GPHN: variants seen among roughly 807,000 people sequenced by gnomAD.
The protein encoded by GPHN is gephyrin.
In GPHN, 17 loss-of-function variants were observed where a neutral mutation model predicts 95.5. The observed-to-expected ratio is 0.18, with a 90% CI of 0.12 to 0.27. GPHN has a LOEUF of 0.27. GPHN is among the 10% of genes least tolerant of loss of function. GPHN has a pLI of 1.00. For synonymous variants in GPHN, 320 were observed against 322.5 expected (o/e 0.99, Z 0.08); for missense variants, 660 against 978.1 (o/e 0.67, Z 4.34).
the GPHN span, among the ~76,000 whole-genome samples, chr14:67,656,839 TG>T: frequency 6.6e-6 from 1 of 152,142 alleles, no homozygotes; most frequent in Admixed American, 6.5e-5. Context: ...CAAGGAAAGA[TG>T]GATTAAAAAT....
the GPHN span, among the ~76,000 whole-genome samples, chr14:67,477,065 C>T: frequency 6.6e-6 from 1 of 151,918 alleles, no homozygotes; most frequent in African/African-American, 2.4e-5. Context: ...ACTTAGGAGG[C>T]TGAGACAGGA....
At chr14:67,366,355 A>C in the GPHN span, among the ~76,000 whole-genome samples, 1 of 152,216 alleles carries the variant, frequency 6.6e-6, no homozygotes. Flanking sequence ...TACAGGTGTG[A>C]GCCACTGTGC....
intron 2 of GPHN, among the ~76,000 whole-genome samples, chr14:66,736,403 T>TC (rs1491178535): frequency 2.6e-5 from 2 of 75,836 alleles, no homozygotes; most frequent in East Asian, 6.8e-4. Context: ...TTTTTTTTTC[T>TC]TTTTTTTTTT....
chr14:67,593,820 C>T, the GPHN span: 11 of 1,613,608 alleles, frequency 6.8e-6, no homozygotes, highest in Non-Finnish European at 8.5e-6. Flanking sequence ...TTGCCTGAAG[C>T]ATAAGATGAA....
chr14:67,199,683 A>G, the GPHN span: 1 of 1,584,500 alleles, frequency 6.3e-7, no homozygotes, highest in African/African-American at 1.3e-5. Context: ...GACCGCCCTC[A>G]TCAGCTGTTT....
chr14:67,002,788 T>C (rs980279682), intron 9 of GPHN, among the ~76,000 whole-genome samples: 9 of 151,620 alleles, frequency 5.9e-5, no homozygotes, highest in Non-Finnish European at 1.5e-5. Flanking sequence ...TATATTATTA[T>C]CAGTATTTAT....
chr14:66,943,150 A>G (rs2067527528), intron 8 of GPHN, among the ~76,000 whole-genome samples: 1 of 152,100 alleles, frequency 6.6e-6, no homozygotes. Context: ...CACTTGTTTG[A>G]ACTTTGAGCT....
intron 1 of GPHN, among the ~76,000 whole-genome samples, chr14:66,555,501 CA>C (rs1162821223): frequency 2.0e-5 from 3 of 152,072 alleles, no homozygotes; most frequent in African/African-American, 7.2e-5. Flanking sequence ...TGCCCCCCCG[CA>C]ACCCACGCTG....
At chr14:67,011,839 T>C (rs1005923057) in intron 9 of GPHN, among the ~76,000 whole-genome samples, 1 of 152,064 alleles carries the variant, frequency 6.6e-6, no homozygotes, top group Admixed American at 6.6e-5. Flanking sequence ...AGATTTTATA[T>C]ATATATATGA....
intron 9 of GPHN, among the ~76,000 whole-genome samples, chr14:67,017,199 AT>A (rs2073363576): frequency 6.6e-6 from 1 of 152,130 alleles, no homozygotes; most frequent in South Asian, 2.1e-4. Flanking sequence ...CATAAGAGCT[AT>A]TATTAAACTC....
chr14:67,059,384 C>A (rs1484369858), intron 11 of GPHN, among the ~76,000 whole-genome samples: 1 of 152,188 alleles, frequency 6.6e-6, no homozygotes. Context: ...CTGAGGAGAA[C>A]TTCCAGCCAA....
At chr14:67,701,014 A>C in the GPHN span, among the ~76,000 whole-genome samples, 2 of 132,258 alleles carry the variant, frequency 1.5e-5, no homozygotes, top group African/African-American at 5.5e-5. Context: ...ACAAGAGCAA[A>C]ATTTCATCTC....
chr14:66,640,796 A>C (rs527806876), intron 1 of GPHN, among the ~76,000 whole-genome samples: 1 of 152,294 alleles, frequency 6.6e-6, no homozygotes, highest in Non-Finnish European at 1.5e-5. Context: ...AATCAAGATA[A>C]AATATACATG....
intron 17 of GPHN, among the ~76,000 whole-genome samples, chr14:67,126,324 A>G (rs1444481346): frequency 1.3e-5 from 2 of 152,248 alleles, no homozygotes; most frequent in African/African-American, 4.8e-5. Context: ...TTGACAATCC[A>G]TAATTCTCTA....
At chr14:66,707,995 C>A (rs1326886036) in intron 2 of GPHN, among the ~76,000 whole-genome samples, 1 of 152,046 alleles carries the variant, frequency 6.6e-6, no homozygotes, top group Non-Finnish European at 1.5e-5. Context: ...GCTATAGTCA[C>A]CCTATAAAGT....
At chr14:66,632,756 G>A (rs1397986674) in intron 1 of GPHN, among the ~76,000 whole-genome samples, 2 of 152,190 alleles carry the variant, frequency 1.3e-5, no homozygotes, top group East Asian at 3.9e-4. Flanking sequence ...CTACCAAAGT[G>A]CTGGAATTAC....
chr14:66,930,963 G>T (rs2066759141), intron 8 of GPHN, among the ~76,000 whole-genome samples: 1 of 152,146 alleles, frequency 6.6e-6, no homozygotes, highest in Non-Finnish European at 1.5e-5. Context: ...GCCTTCAGAT[G>T]ATTTCTTATT....
chr14:67,202,097 A>G, the GPHN span, among the ~76,000 whole-genome samples: 5 of 152,330 alleles, frequency 3.3e-5, no homozygotes, highest in Admixed American at 3.3e-4. Flanking sequence ...GTCGATTGGT[A>G]CGTGTTCAGG....
At chr14:67,645,809 G>A in the GPHN span, 1 of 1,613,056 alleles carries the variant, frequency 6.2e-7, no homozygotes, top group Non-Finnish European at 8.5e-7. Context: ...TAAGGTCAGT[G>A]GGCCAAAACG....
Sources: gnomAD v4.1 joint callset for allele counts (sites outside exome capture counted in the v4.1 genomes callset) on GRCh38, gnomAD v4.1.1 for gene constraint, MANE v1.5 for transcripts, NCBI Gene and HGNC (gene_info 2026-07-23, HGNC 2026-07-21) for gene names.